Variants in CKAP5 observed in about 807,000 individuals in gnomAD.
CKAP5 encodes cytoskeleton-associated protein 5.
Under a neutral mutation model 232.8 loss-of-function variants are expected in CKAP5, and 27 were observed. That is an observed-to-expected ratio of 0.12 (90% CI 0.09 to 0.16). The LOEUF (loss-of-function observed/expected upper bound fraction) is 0.16, where lower values mean the gene tolerates loss of function less well. Ranked by LOEUF, CKAP5 falls within the 10% of genes least tolerant of loss-of-function variation. The pLI is 1.00. For synonymous variants in CKAP5, 785 were observed against 841.1 expected (o/e 0.93, Z 1.16); for missense variants, 1,838 against 2,424.7 (o/e 0.76, Z 5.08).
At chr11:46,760,425 T>C in intron 33 of CKAP5, 187 bp downstream of exon 33, 2 of 701,590 alleles carry the variant, frequency 2.9e-6, no homozygotes, top group African/African-American at 1.8e-5. Flanking sequence ...TTAGAAGTGG[T>C]TTTGAGACAA....
In CKAP5 at chr11:46,812,722, C is replaced by T. The variant is rs1253045921; in HGVS notation, c.459-1544G>A. Among the ~76,000 whole-genome samples the T allele has an allele frequency of 2.6e-5, 4 of 152,162 alleles. No individual in the cohort carries two copies. In the East Asian group the frequency reaches 7.7e-4, roughly 29 times the overall value. On this transcript the variant is annotated intron_variant, in intron 4 of 43. Coordinates refer to ENST00000529230, the MANE Select transcript of CKAP5 (RefSeq NM_001008938.4). ...GTATGATCACAGCTCACTGCAGCCT[C>T]GACCTTCCCTGCTCAAGCTATTCTC...
intron 1 of CKAP5, among the ~76,000 whole-genome samples, chr11:46,842,991 A>G (rs1275767629): frequency 2.1e-5 from 3 of 142,434 alleles, no homozygotes; most frequent in East Asian, 4.8e-4. Context: ...AAAAAAAAAA[A>G]GAAGTAAGGT....
In CKAP5 at chr11:46,845,570, T is replaced by C. The variant is rs187692049; in HGVS notation, c.-38+650A>G. ...TAGTTCACCGAGCCCGACCTTAAAG[T>C]AGCAAGGCCCAACCCACACTGCTGG... On this transcript the variant is annotated intron_variant, in intron 1 of 43. Transcript: ENST00000529230. Among the ~76,000 whole-genome samples the C allele has an allele frequency of 9.6e-4, 146 of 152,176 alleles. No homozygotes were observed. In the East Asian group the frequency reaches 0.019, roughly 20 times the overall value.
chr11:46,845,470 C>G (rs6485699), intron 1 of CKAP5, among the ~76,000 whole-genome samples: 151,508 of 152,342 alleles, frequency 0.99, 75,344 homozygotes, highest in Middle Eastern at 1. Context: ...CCAAGAAACA[C>G]AACGGAATGC....
chr11:46,809,023 C>G (rs79918888), intron 7 of CKAP5, among the ~76,000 whole-genome samples: 3,389 of 152,220 alleles, frequency 0.022, 121 homozygotes, highest in African/African-American at 0.077. Context: ...TGCTAAACAT[C>G]ATACAATGCA....
chr11:46,810,849 A>G (rs1053477110), intron 5 of CKAP5, among the ~76,000 whole-genome samples, 158 bp downstream of exon 5: 1 of 152,234 alleles, frequency 6.6e-6, no homozygotes, highest in Non-Finnish European at 1.5e-5. Context: ...CTGCCACCCA[A>G]GAGAATTGCT....
At chr11:46,810,317 T>C (rs1414660448) in intron 5 of CKAP5, among the ~76,000 whole-genome samples, 2 of 152,020 alleles carry the variant, frequency 1.3e-5, no homozygotes, top group African/African-American at 4.8e-5. Flanking sequence ...ACAAGAAAGA[T>C]TCATTCATTC....
chr11:46,820,213 C>T (rs72895841), intron 2 of CKAP5, among the ~76,000 whole-genome samples: 2,476 of 152,138 alleles, frequency 0.016, 25 homozygotes, highest in Non-Finnish European at 0.022. Context: ...ACTACATAAC[C>T]AACAATTTCT....
chr11:46,832,193 A>G (rs1480322612), intron 1 of CKAP5, among the ~76,000 whole-genome samples: 4 of 152,168 alleles, frequency 2.6e-5, no homozygotes, highest in East Asian at 3.8e-4. Context: ...GTGTATTTCA[A>G]ATGTGTTGAG....
chr11:46,834,605 A>G (rs1255763204), intron 1 of CKAP5, among the ~76,000 whole-genome samples: 1 of 152,058 alleles, frequency 6.6e-6, no homozygotes, highest in Non-Finnish European at 1.5e-5. Context: ...CTGGTCTAAA[A>G]CAAACTGCTT....
chr11:46,841,087 G>A (rs914412204), intron 1 of CKAP5, among the ~76,000 whole-genome samples: 1 of 152,064 alleles, frequency 6.6e-6, no homozygotes, highest in African/African-American at 2.4e-5. Context: ...TGGCCAAAAT[G>A]GAGAAACCCC....
chr11:46,807,075 G>A (rs557681286), intron 8 of CKAP5, among the ~76,000 whole-genome samples: 6 of 152,182 alleles, frequency 3.9e-5, no homozygotes, highest in Non-Finnish European at 5.9e-5. Flanking sequence ...TATGCGTTAG[G>A]AAAAGCTTCA....
intron 1 of CKAP5, among the ~76,000 whole-genome samples, chr11:46,839,673 T>C (rs1259459410): frequency 1.3e-5 from 2 of 152,208 alleles, no homozygotes; most frequent in African/African-American, 4.8e-5. Context: ...TGAATTCTCC[T>C]ACAGATCCCT....
chr11:46,813,714 A>G (rs1267736036), intron 4 of CKAP5, among the ~76,000 whole-genome samples: 9 of 152,206 alleles, frequency 5.9e-5, no homozygotes, highest in Non-Finnish European at 1.3e-4. Context: ...CTACATAACA[A>G]CATCTATGAA....
Position 46,750,385 on chromosome 11 carries a change from T to G in CKAP5, c.5593A>C (p.Ile1865Leu). The G allele has an allele frequency of 6.2e-7, 1 of 1,614,176 alleles. No individual in the cohort carries two copies. The highest frequency in any genetic ancestry group is 1.1e-5 in the South Asian group (1 of 91,086). ...EYKKKYSDAD[I>L]EPFLKNSSQF... Reference sequence around the variant, plus strand: ...GAGGAATTTTTCAGAAATGGTTCAATGTCAGCATCTGAGTATTTCTTCTTA... The same window carrying G: ...GAGGAATTTTTCAGAAATGGTTCAAGGTCAGCATCTGAGTATTTCTTCTTA... The change falls in exon 42 of 44, where the codon ATT becomes CTT. Residue 1865 changes from isoleucine to leucine, a missense_variant. Ile to Leu is a conservative substitution (Grantham distance 5, BLOSUM62 2). Around this residue, in one of 6 missense-constraint regions of CKAP5, gnomAD observed 579 missense variants for 843.2 expected, o/e 0.69. Transcript: ENST00000529230.
chr11:46,842,308 A>G (rs546963450), intron 1 of CKAP5, among the ~76,000 whole-genome samples: 2 of 152,346 alleles, frequency 1.3e-5, no homozygotes, highest in South Asian at 2.1e-4. Context: ...TAGTATCATA[A>G]GCTTCCTGAA....
intron 42 of CKAP5, among the ~76,000 whole-genome samples, chr11:46,749,800 A>G (rs535144629): frequency 1.5e-4 from 22 of 151,208 alleles, no homozygotes; most frequent in Middle Eastern, 3.4e-3. Context: ...AAATACAAAA[A>G]ATTAGCCTGG....
intron 9 of CKAP5, among the ~76,000 whole-genome samples, chr11:46,800,734 T>C (rs1285695900): frequency 6.6e-6 from 1 of 152,162 alleles, no homozygotes; most frequent in African/African-American, 2.4e-5. Context: ...GTCTCAAATA[T>C]GTAAGTAAAT....
intron 2 of CKAP5, 72 bp from the exon 3 acceptor site, chr11:46,818,575 G>A: frequency 1.8e-6 from 2 of 1,103,972 alleles, no homozygotes; most frequent in Non-Finnish European, 2.5e-6. Context: ...ATCTGGGGGG[G>A]GAGGGTGTGA....
Sources: allele counts gnomAD v4.1 joint callset (sites outside exome capture counted in the v4.1 genomes callset), GRCh38; gene constraint gnomAD v4.1.1; regional missense constraint gnomAD v4.1.1; transcripts MANE v1.5; gene names NCBI Gene and HGNC (gene_info 2026-07-23, HGNC 2026-07-21).